The following WASF3 variants were observed in gnomAD, a reference collection of about 807,000 sequenced individuals.
WASF3 encodes the protein WASP family member 3.
WASF3 carries 11 observed loss-of-function variants against 46.6 expected under a neutral mutation model. The observed-to-expected ratio is 0.24, with a 90% CI of 0.15 to 0.39. The LOEUF (loss-of-function observed/expected upper bound fraction) is 0.39, where lower values mean the gene tolerates loss of function less well. Among genes scored for constraint, WASF3 ranks in the 10% least tolerant of loss-of-function variants. WASF3 has a pLI of 1.00. For synonymous variants in WASF3, 242 were observed against 259.7 expected (o/e 0.93, Z 0.65); for missense variants, 576 against 669.8 (o/e 0.86, Z 1.55).
intron 2 of WASF3, chr13:26,619,038 T>A (rs1312239466): frequency 6.6e-6 from 1 of 152,230 alleles, no homozygotes; most frequent in African/African-American, 2.4e-5. Context: ...TAAATGTACA[T>A]CTTTTTCATC....
Position 26,639,306 on chromosome 13 carries a change from A to G in WASF3, c.-10-2955A>G, listed in dbSNP as rs959383926. On this transcript the variant is annotated intron_variant, in intron 2 of 9. Transcript: ENST00000335327. ...CAAATAGAGGTTTAATGAACATGAG[A>G]AATGAAGGCTGGGGATTAATTAGTC... Among the ~76,000 whole-genome samples, 5 of 152,210 alleles carry G rather than the reference A, an allele frequency of 3.3e-5. No individual in the cohort carries two copies. The South Asian group carries it at 8.3e-4, about 25-fold the overall frequency.
intron 3 of WASF3, among the ~76,000 whole-genome samples, chr13:26,655,585 A>G (rs1566064761): frequency 6.6e-6 from 1 of 152,164 alleles, no homozygotes; most frequent in East Asian, 1.9e-4. Context: ...CTCAGCATCC[A>G]TTGATGATCC....
chr13:26,655,029 A>G (rs1339368526), intron 3 of WASF3, among the ~76,000 whole-genome samples: 2 of 152,220 alleles, frequency 1.3e-5, no homozygotes, highest in African/African-American at 4.8e-5. Context: ...GACCAAAAAC[A>G]GTACAAAGAA....
rs1756471 is a variant in WASF3, at chr13:26,657,498, T to C, written c.134-7530T>C. ...TACTACTTTAAAATAGTATAACAACTCTTGAGAAGCCTCTCCCGGGTTACA... is the reference window on the plus strand; with the variant it reads ...TACTACTTTAAAATAGTATAACAACCCTTGAGAAGCCTCTCCCGGGTTACA... On this transcript the variant is annotated intron_variant, in intron 3 of 9. Transcript: ENST00000335327. 1.0e-3 allele frequency among the ~76,000 whole-genome samples: 155 copies of C among 152,304 alleles called. 1 individual carries two copies. Among genetic ancestry groups the C allele is most frequent in the African/African-American group, 3.6e-3 (148 of 41,564 alleles).
chr13:26,680,039 A>AGG, intron 7 of WASF3: 1 of 1,596,482 alleles, frequency 6.3e-7, no homozygotes, highest in Non-Finnish European at 8.5e-7. Context: ...CTTCAGAGAG[A>AGG]GAAACACAAG....
rs201910270 is a variant in WASF3, at chr13:26,665,045, A to G, written c.151A>G (p.Ile51Val). Residue 51 changes from isoleucine to valine, a missense_variant, in exon 4 of 10, where the codon ATA becomes GTA. Physicochemically the swap from Ile to Val is conservative, Grantham distance 29. Coordinates refer to ENST00000335327, the MANE Select transcript of WASF3 (RefSeq NM_006646.6). ...LSSLSKHAED[I>V]FGELFNEANN... is the part of the protein sequence containing the mutation. ...TTCTACAGGCAAACATGCTGAAGAC[A>G]TATTTGGTGAGTTGTTTAATGAGGC... 114 of 1,613,996 alleles carry G rather than the reference A, an allele frequency of 7.1e-5. No homozygotes were observed. In the Admixed American group the frequency reaches 1.1e-3, roughly 15 times the overall value.
rs575308559 is a variant in WASF3, at chr13:26,634,132, G to A, written c.-10-8129G>A. 3.9e-5 allele frequency among the ~76,000 whole-genome samples: 6 copies of A among 152,326 alleles called. No homozygotes were observed. In the South Asian group the frequency reaches 1.2e-3, roughly 32 times the overall value. ...ATTGTGTGGGAGTCTAAGTCTCCTT[G>A]TAGGTCTCTAAAGACTTGCTTTATG... On this transcript the variant is annotated intron_variant, in intron 2 of 9. Coordinates refer to ENST00000335327, the MANE Select transcript of WASF3 (RefSeq NM_006646.6).
chr13:26,642,314 G>A lies in WASF3; in HGVS notation c.44G>A (p.Arg15Gln), dbSNP rs755864030. 1.6e-5 allele frequency: 25 copies of A among 1,606,774 alleles called. No homozygotes were observed. Among genetic ancestry groups the A allele is most frequent in the South Asian group, 1.2e-4 (11 of 89,576 alleles). The change falls in exon 3 of 10, where the codon CGG becomes CAG. Residue 15 changes from arginine (R) to glutamine (Q), a missense_variant. By Grantham distance (43) the Arg-to-Gln change is conservative. Coordinates refer to ENST00000335327, the MANE Select transcript of WASF3 (RefSeq NM_006646.6). ...AACATTGAGCCCCGGCACTTGTGCC[G>A]GGGAGCTCTGCCTGAAGGGATTACC... ...KRNIEPRHLC[R>Q]GALPEGITSE...
intron 2 of WASF3, among the ~76,000 whole-genome samples, chr13:26,616,516 A>T (rs1881138296): frequency 1.3e-5 from 2 of 152,134 alleles, no homozygotes; most frequent in Non-Finnish European, 2.9e-5. Context: ...TATCAGATAT[A>T]TGATTTGTAG....
chr13:26,678,342 T>C (rs966696242), intron 7 of WASF3, among the ~76,000 whole-genome samples: 2 of 152,144 alleles, frequency 1.3e-5, no homozygotes, highest in Admixed American at 6.5e-5. Context: ...CAGGAAAAAA[T>C]TAAAATGAAA....
chr13:26,646,848 G>T (rs537418163), intron 3 of WASF3, among the ~76,000 whole-genome samples: 3 of 152,160 alleles, frequency 2.0e-5, no homozygotes, highest in African/African-American at 7.2e-5. Context: ...TTTCTAAATA[G>T]GAAGAGAGTT....
chr13:26,642,653 AAT>A (rs1328743692), intron 3 of WASF3, among the ~76,000 whole-genome samples: 1 of 152,226 alleles, frequency 6.6e-6, no homozygotes, highest in Admixed American at 6.5e-5. Context: ...ACAGATTTAA[AAT>A]AGTGTTAATT....
intron 2 of WASF3, among the ~76,000 whole-genome samples, chr13:26,636,769 C>T (rs529775043): frequency 6.6e-6 from 1 of 152,342 alleles, no homozygotes; most frequent in African/African-American, 2.4e-5. Context: ...TTGAGCCCCA[C>T]TCAAAACTGG....
intron 1 of WASF3, among the ~76,000 whole-genome samples, chr13:26,598,733 C>A (rs1880552048): frequency 2.0e-5 from 3 of 152,200 alleles, no homozygotes; most frequent in Admixed American, 2.0e-4. Flanking sequence ...CTGCCAGCTT[C>A]CTGAGTGGTG....
upstream of WASF3, among the ~76,000 whole-genome samples, chr13:26,552,929 G>C (rs897913186): frequency 1.3e-5 from 2 of 152,198 alleles, no homozygotes; most frequent in Non-Finnish European, 2.9e-5. Flanking sequence ...AAGTCACTGT[G>C]TCATCACTAT....
chr13:26,540,870 G>A, the WASF3 span, among the ~76,000 whole-genome samples: 1 of 152,168 alleles, frequency 6.6e-6, no homozygotes, highest in Non-Finnish European at 1.5e-5. Flanking sequence ...GGTTGACATA[G>A]TAAGATGTTT....
At chr13:26,572,608 C>G (rs1879672375) in intron 1 of WASF3, among the ~76,000 whole-genome samples, 1 of 152,134 alleles carries the variant, frequency 6.6e-6, no homozygotes, top group African/African-American at 2.4e-5. Context: ...CTCTGTCGCC[C>G]AGGCTGGAGT....
intron 3 of WASF3, among the ~76,000 whole-genome samples, chr13:26,658,511 A>T (rs755847940): frequency 6.6e-6 from 1 of 152,238 alleles, no homozygotes; most frequent in African/African-American, 2.4e-5. Flanking sequence ...TTGCCAGTGC[A>T]CATTAGCTTA....
chr13:26,604,456 G>T (rs1178291272), intron 1 of WASF3, among the ~76,000 whole-genome samples: 5 of 152,114 alleles, frequency 3.3e-5, no homozygotes, highest in East Asian at 1.9e-4. Flanking sequence ...AGTAAGGTTG[G>T]TGTATGCCTG....
Sources: gnomAD v4.1 joint callset for allele counts (sites outside exome capture counted in the v4.1 genomes callset) on GRCh38, gnomAD v4.1.1 for gene constraint, MANE v1.5 for transcripts, NCBI Gene and HGNC (gene_info 2026-07-23, HGNC 2026-07-21) for gene names.